The following CCDC122 variants were observed in gnomAD, a reference collection of about 807,000 sequenced individuals.
CCDC122 encodes coiled-coil domain containing 122, also known as coiled-coil domain-containing protein 122.
In CCDC122, 38 loss-of-function variants were observed where a neutral mutation model predicts 37.0. That is an observed-to-expected ratio of 1.03 (90% CI 0.79 to 1.35). CCDC122 has a LOEUF of 1.35. Among genes scored for constraint, CCDC122 ranks in the 40% most tolerant of loss-of-function variants. The probability of loss-of-function intolerance (pLI) is 0.00; values close to 1 mark genes in which losing one functional copy is unlikely to be tolerated. For synonymous variants in CCDC122, 83 were observed against 95.6 expected (o/e 0.87, Z 0.77); for missense variants, 305 against 310.0 (o/e 0.98, Z 0.12).
downstream of CCDC122, among the ~76,000 whole-genome samples, chr13:43,822,695 G>A (rs774958189): frequency 7.2e-5 from 11 of 152,162 alleles, no homozygotes; most frequent in Non-Finnish European, 1.2e-4. Flanking sequence ...TTCACAGAGA[G>A]AGGAGCCTCT....
chr13:43,859,632 A>G, intron 5 of CCDC122, 40 bp downstream of exon 5: 4 of 1,410,234 alleles, frequency 2.8e-6, no homozygotes, highest in Non-Finnish European at 3.8e-6. Flanking sequence ...GCAAAAAAGG[A>G]GTAATAGAAA....
downstream of CCDC122, among the ~76,000 whole-genome samples, chr13:43,835,089 A>T (rs1425052901): frequency 6.6e-6 from 1 of 152,098 alleles, no homozygotes; most frequent in Non-Finnish European, 1.5e-5. Flanking sequence ...GACTGGATTA[A>T]GAAAATGTGG....
intron 6 of CCDC122, among the ~76,000 whole-genome samples, chr13:43,845,539 C>G (rs1331731464): frequency 1.3e-5 from 2 of 152,156 alleles, no homozygotes; most frequent in African/African-American, 2.4e-5. Context: ...GGCAAAACCC[C>G]ATCTCTACTA....
At chr13:43,862,905 C>T (rs1954156683) in intron 4 of CCDC122, among the ~76,000 whole-genome samples, 1 of 152,034 alleles carries the variant, frequency 6.6e-6, no homozygotes, top group South Asian at 2.1e-4. Flanking sequence ...TCTGCCCTTA[C>T]ATGAGAATTA....
At chr13:43,839,541 A>G (rs996309563) in intron 6 of CCDC122, among the ~76,000 whole-genome samples, 1 of 152,220 alleles carries the variant, frequency 6.6e-6, no homozygotes, top group African/African-American at 2.4e-5. Flanking sequence ...TATAAATAAT[A>G]CTGCCATGAA....
chr13:43,829,650 A>AT (rs2153868238), intron 3 of CCDC122, among the ~76,000 whole-genome samples: 1 of 152,190 alleles, frequency 6.6e-6, no homozygotes, highest in Admixed American at 6.5e-5. Context: ...GAGAACCAAG[A>AT]TGATTATAGA....
At chr13:43,854,156 C>CAAAA (rs34838402) in intron 6 of CCDC122, 1 of 150,842 alleles carries the variant, frequency 6.6e-6, no homozygotes, top group Non-Finnish European at 1.5e-5. Flanking sequence ...AGACTGAGAC[C>CAAAA]AAAAAAAAAA....
chr13:43,872,599 C>A (rs899022240), intron 2 of CCDC122, among the ~76,000 whole-genome samples: 2 of 152,122 alleles, frequency 1.3e-5, no homozygotes, highest in Non-Finnish European at 1.5e-5. Flanking sequence ...AATTACCCAT[C>A]TACCAGATTT....
At chr13:43,847,553 T>C (rs757482704) in intron 6 of CCDC122, among the ~76,000 whole-genome samples, 4 of 152,202 alleles carry the variant, frequency 2.6e-5, no homozygotes, top group Non-Finnish European at 5.9e-5. Flanking sequence ...TTCTAAAACT[T>C]TGTAAGACAT....
chr13:43,870,982 G>A (rs1954430545), intron 2 of CCDC122, among the ~76,000 whole-genome samples: 1 of 152,074 alleles, frequency 6.6e-6, no homozygotes, highest in Non-Finnish European at 1.5e-5. Flanking sequence ...CAAAATCTGT[G>A]CAAATTCAAG....
In CCDC122 at chr13:43,874,831, A is replaced by G. The variant is rs1046695407; in HGVS notation, c.-114+11T>C. 1 of 152,428 alleles carries G rather than the reference A, an allele frequency of 6.6e-6. No individual in the cohort carries two copies. The highest frequency in any genetic ancestry group is 6.5e-5 in the Admixed American group (1 of 15,310). 9.4% of individuals were successfully genotyped at this position (152,428 alleles called of 1,614,324 possible). A position where few individuals can be genotyped will look rare whatever the true frequency, so the allele number is the denominator to read the frequency against. On this transcript the variant is annotated intron_variant, in intron 2 of 6. Coordinates refer to ENST00000444614, the MANE Select transcript of CCDC122 (RefSeq NM_144974.5). ...AAGAATTAATTGAATAATTAAAAAT[A>G]AACTGTATACCTATTATACACCAGT...
intron 6 of CCDC122, among the ~76,000 whole-genome samples, chr13:43,850,786 A>C (rs970811544): frequency 7.9e-5 from 12 of 152,208 alleles, no homozygotes; most frequent in Admixed American, 6.5e-5. Context: ...AAAAATCCTA[A>C]ATTTGGCAAA....
downstream of CCDC122, among the ~76,000 whole-genome samples, chr13:43,835,131 TA>T (rs1168142977): frequency 6.6e-6 from 1 of 151,992 alleles, no homozygotes; most frequent in Non-Finnish European, 1.5e-5. Context: ...TATGCAGCCA[TA>T]AAAAATGATG....
chr13:43,836,037 C>T (rs1953152241), downstream of CCDC122, among the ~76,000 whole-genome samples: 1 of 152,142 alleles, frequency 6.6e-6, no homozygotes, highest in African/African-American at 2.4e-5. Context: ...TATATCAGCT[C>T]CACTTACTGA....
Position 43,858,827 on chromosome 13 carries a change from A to G in CCDC122, c.626T>C (p.Leu209Pro). ...TTCATGTGTCTTTTTTTCTTCCTCAAGAAAACAAGTTTTTTCAATGATAGA... is the reference window on the plus strand; with the variant it reads ...TTCATGTGTCTTTTTTTCTTCCTCAGGAAAACAAGTTTTTTCAATGATAGA... The part of the protein sequence containing the change: ...KESIIEKTCF[L>P]EEEKKTHEKL... The change falls in exon 6 of 7, where the codon CTT (leucine) becomes CCT (proline). Residue 209 changes from leucine (L) to proline (P), a missense_variant. Transcript: ENST00000444614. The G allele has an allele frequency of 7.0e-7, 1 of 1,430,546 alleles. No individual in the cohort carries two copies. The highest frequency in any genetic ancestry group is 1.4e-5 in the African/African-American group (1 of 69,752). The allele number at this position is 1,430,546 out of a possible 1,614,324, so 88.6% of individuals were successfully genotyped here.
chr13:43,873,992 T>G lies in CCDC122; in HGVS notation c.-114+850A>C, dbSNP rs1046675956. Among the ~76,000 whole-genome samples, 7 of 152,242 alleles carry G rather than the reference T, an allele frequency of 4.6e-5. No homozygotes were observed. The South Asian group carries it at 1.4e-3, about 31-fold the overall frequency. ...GAATAATGCTCCAAAAGCACTATTC[T>G]GATCACGTCAACATCACAGCCAATC... On this transcript the variant is annotated intron_variant, in intron 2 of 6. Transcript: ENST00000444614.
chr13:43,853,344 G>A (rs1015108283), intron 6 of CCDC122, among the ~76,000 whole-genome samples: 3 of 152,110 alleles, frequency 2.0e-5, no homozygotes, highest in African/African-American at 7.2e-5. Context: ...TGCAATCCTG[G>A]TTTCACACAA....
chr13:43,824,770 A>G (rs930901274), intron 3 of CCDC122, among the ~76,000 whole-genome samples: 4 of 152,248 alleles, frequency 2.6e-5, no homozygotes, highest in African/African-American at 9.6e-5. Context: ...AAGAAGATAT[A>G]CAAGTGGCCA....
At chr13:43,824,023 T>G (rs1411159288) in intron 3 of CCDC122, 1 of 152,190 alleles carries the variant, frequency 6.6e-6, no homozygotes, top group Non-Finnish European at 1.5e-5. Context: ...TTCCAAAAAA[T>G]GTATTAAATG....
Sources: allele counts gnomAD v4.1 joint callset (sites outside exome capture counted in the v4.1 genomes callset), GRCh38; gene constraint gnomAD v4.1.1; transcripts MANE v1.5; gene names NCBI Gene and HGNC (gene_info 2026-07-23, HGNC 2026-07-21).